The following APTX variants were observed in gnomAD, a reference collection of about 807,000 sequenced individuals.
APTX encodes aprataxin.
A neutral mutation model predicts 42.3 loss-of-function variants in APTX; 33 were observed. That is an observed-to-expected ratio of 0.78 (90% CI 0.59 to 1.04). The LOEUF (loss-of-function observed/expected upper bound fraction) is 1.04. Ranked by LOEUF, APTX falls within the 50% of genes least tolerant of loss-of-function variation. The pLI is 0.00. For missense variants in APTX, 421 were observed against 415.1 expected, an observed-to-expected ratio of 1.01 and a Z score of -0.12; for synonymous variants, 130 against 146.7, an observed-to-expected ratio of 0.89 and a Z score of 0.82.
chr9:32,982,903 C>A (rs1002040879), intron 6 of APTX, among the ~76,000 whole-genome samples: 1 of 152,118 alleles, frequency 6.6e-6, no homozygotes, highest in Non-Finnish European at 1.5e-5. Flanking sequence ...CATACATCCA[C>A]CCTATGACCT....
At chr9:32,998,744 T>C (rs1835571079) in intron 1 of APTX, among the ~76,000 whole-genome samples, 1 of 151,940 alleles carries the variant, frequency 6.6e-6, no homozygotes, top group Non-Finnish European at 1.5e-5. Context: ...AGGGGAGGGA[T>C]AGCATTAGGA....
At chr9:33,004,422 A>G (rs572892896), upstream of APTX, among the ~76,000 whole-genome samples, 1 of 152,232 alleles carries the variant, frequency 6.6e-6, no homozygotes, top group Non-Finnish European at 1.5e-5. Context: ...AAAGCCACTG[A>G]AATTTGTTTT....
At chr9:33,001,083 G>C (rs1836309248) in intron 1 of APTX, among the ~76,000 whole-genome samples, 1 of 152,082 alleles carries the variant, frequency 6.6e-6, no homozygotes, top group South Asian at 2.1e-4. Flanking sequence ...CCGACCTCAG[G>C]TGATCCGCCC....
intron 6 of APTX, among the ~76,000 whole-genome samples, chr9:32,976,494 A>G (rs925237974): frequency 6.6e-6 from 1 of 152,238 alleles, no homozygotes; most frequent in African/African-American, 2.4e-5. Flanking sequence ...AGACAAAAAA[A>G]TTATCTATCA....
At chr9:32,993,955 G>GTGAT (rs1834243892) in intron 1 of APTX, among the ~76,000 whole-genome samples, 2 of 152,094 alleles carry the variant, frequency 1.3e-5, no homozygotes, top group South Asian at 2.1e-4. Flanking sequence ...CTGATGTCAG[G>GTGAT]CGATCCGCCC....
At chr9:32,978,677 ACAG>A (rs557649068) in intron 6 of APTX, among the ~76,000 whole-genome samples, 281 of 152,318 alleles carry the variant, frequency 1.8e-3, no homozygotes, top group Non-Finnish European at 3.1e-3. Flanking sequence ...TAAATAATAG[ACAG>A]CAGATTTTAA....
intron 1 of APTX, among the ~76,000 whole-genome samples, chr9:32,994,729 T>G (rs576208275): frequency 1.3e-5 from 2 of 152,232 alleles, no homozygotes; most frequent in African/African-American, 4.8e-5. Context: ...CTTTGATCTT[T>G]GATGCTACTG....
intron 3 of APTX, 29 bp from the exon 4 acceptor site, chr9:32,987,875 A>G (rs777942801): frequency 6.2e-7 from 1 of 1,610,360 alleles, no homozygotes; most frequent in South Asian, 1.1e-5. Context: ...GAAAATAATT[A>G]TAATAATAGC....
chr9:33,002,047 A>G (rs796658211), upstream of APTX, among the ~76,000 whole-genome samples: 6 of 152,284 alleles, frequency 3.9e-5, no homozygotes, highest in African/African-American at 1.4e-4. Context: ...TGCAGGGAGG[A>G]AAGAATGGAG....
chr9:32,984,167 A>C (rs962642558), intron 6 of APTX, among the ~76,000 whole-genome samples: 3 of 152,226 alleles, frequency 2.0e-5, no homozygotes, highest in Non-Finnish European at 4.4e-5. Flanking sequence ...GGCATAAGCC[A>C]CAGGAAAACA....
intron 6 of APTX, among the ~76,000 whole-genome samples, chr9:32,977,552 T>G (rs1439744300): frequency 6.6e-6 from 1 of 150,414 alleles, no homozygotes. Context: ...GGAAAAAACC[T>G]GGGTGCAGTG....
At chr9:32,988,636 G>A (rs1042403684) in intron 2 of APTX, among the ~76,000 whole-genome samples, 2 of 124,580 alleles carry the variant, frequency 1.6e-5, no homozygotes, top group Non-Finnish European at 1.6e-5. Flanking sequence ...AGTCAAGATC[G>A]CACCACTACA....
chr9:32,978,991 C>T (rs900909487), intron 6 of APTX, among the ~76,000 whole-genome samples: 4 of 152,090 alleles, frequency 2.6e-5, no homozygotes, highest in Admixed American at 2.0e-4. Context: ...TTGCTAACTA[C>T]CAAGTTGGTT....
intron 1 of APTX, among the ~76,000 whole-genome samples, chr9:32,995,841 TC>T (rs1264547586): frequency 6.9e-6 from 1 of 145,656 alleles, no homozygotes; most frequent in East Asian, 2.0e-4. Context: ...TGAACCGAGA[TC>T]GCGCCACTGC....
intron 1 of APTX, chr9:33,016,188 A>G (rs1435563243): frequency 6.6e-6 from 1 of 152,248 alleles, no homozygotes; most frequent in Non-Finnish European, 1.5e-5. Context: ...TTTCAGGTAT[A>G]TTCCCAACCT....
At chr9:33,023,106 G>A (rs910906359) in intron 1 of APTX, among the ~76,000 whole-genome samples, 1 of 152,122 alleles carries the variant, frequency 6.6e-6, no homozygotes, top group Non-Finnish European at 1.5e-5. Flanking sequence ...TGGGATTACA[G>A]GCTTGAGCCA....
chr9:32,973,711 C>CAAAAAAAAAAAAA (rs34659850), intron 7 of APTX, 59 bp from the exon 8 acceptor site: 59 of 1,331,836 alleles, frequency 4.4e-5, no homozygotes, highest in Middle Eastern at 4.4e-4. Context: ...TATGAGATAC[C>CAAAAAAAAAAAAA]AAAAAAAAAA....
At chr9:32,988,459 C>A (rs1273664728) in intron 2 of APTX, among the ~76,000 whole-genome samples, 1 of 152,010 alleles carries the variant, frequency 6.6e-6, no homozygotes, top group African/African-American at 2.4e-5. Context: ...ACTCTGCCGC[C>A]AGAAAAGAAG....
chr9:33,008,803 C>A (rs539634329), intron 1 of APTX, among the ~76,000 whole-genome samples: 1 of 152,314 alleles, frequency 6.6e-6, no homozygotes, highest in Non-Finnish European at 1.5e-5. Context: ...CCACCCGCCT[C>A]TACCTCCCAA....
Sources: allele counts gnomAD v4.1 joint callset (sites outside exome capture counted in the v4.1 genomes callset), GRCh38; gene constraint gnomAD v4.1.1; transcripts MANE v1.5; gene names NCBI Gene and HGNC (gene_info 2026-07-23, HGNC 2026-07-21).